Variants in ATXN7L1 observed in about 807,000 individuals in gnomAD.
ATXN7L1 encodes the protein ataxin-7-like protein 1.
In ATXN7L1, 15 loss-of-function variants were observed where a neutral mutation model predicts 70.8. That is an observed-to-expected ratio of 0.21 (90% confidence interval 0.14 to 0.33). The LOEUF (loss-of-function observed/expected upper bound fraction) is 0.33, where lower values mean the gene tolerates loss of function less well. Ranked by LOEUF, ATXN7L1 falls within the 10% of genes least tolerant of loss-of-function variation. The pLI, the probability that ATXN7L1 is intolerant of heterozygous loss-of-function variation, is 1.00. For missense variants in ATXN7L1, 975 were observed against 1,097.1 expected (o/e 0.89, Z 1.57); for synonymous variants, 440 against 445.1 (o/e 0.99, Z 0.14).
At chr7:105,619,139 A>AG (rs1794368777) in intron 9 of ATXN7L1, among the ~76,000 whole-genome samples, 2 of 23,590 alleles carry the variant, frequency 8.5e-5, no homozygotes, top group Non-Finnish European at 1.9e-4. Context: ...TGAAATCTTT[A>AG]GTTTTTTTTT....
chr7:105,628,950 TTC>T (rs79961024), intron 7 of ATXN7L1, among the ~76,000 whole-genome samples: 145,453 of 149,844 alleles, frequency 0.97, 70,713 homozygotes, highest in East Asian at 1. Flanking sequence ...TTTTTTTTTT[TTC>T]CCATGGTGAG....
At chr7:105,717,555 C>T (rs982690938) in intron 3 of ATXN7L1, among the ~76,000 whole-genome samples, 9 of 152,158 alleles carry the variant, frequency 5.9e-5, no homozygotes, top group Admixed American at 1.3e-4. Context: ...CATGCTTGTA[C>T]GCAATTTGAT....
At chr7:105,685,385 G>A (rs1806056426) in intron 3 of ATXN7L1, among the ~76,000 whole-genome samples, 1 of 152,172 alleles carries the variant, frequency 6.6e-6, no homozygotes, top group Admixed American at 6.5e-5. Flanking sequence ...ATTTCCATTG[G>A]CAGAGACCTC....
intron 3 of ATXN7L1, among the ~76,000 whole-genome samples, chr7:105,775,429 C>T (rs1054323203): frequency 1.3e-4 from 20 of 152,168 alleles, no homozygotes; most frequent in African/African-American, 4.3e-4. Flanking sequence ...GGCAAGCCTG[C>T]ACACAGGTTT....
chr7:105,801,705 T>G (rs1025649550), intron 2 of ATXN7L1, among the ~76,000 whole-genome samples: 1 of 152,180 alleles, frequency 6.6e-6, no homozygotes, highest in African/African-American at 2.4e-5. Context: ...TGGAGGCCCA[T>G]GAGCTCAGTG....
chr7:105,809,452 C>A (rs908613423), intron 2 of ATXN7L1, among the ~76,000 whole-genome samples: 3 of 152,184 alleles, frequency 2.0e-5, no homozygotes, highest in Non-Finnish European at 4.4e-5. Context: ...GGCACTCAAC[C>A]ATTCTATGTT....
chr7:105,842,677 A>G (rs1813397429), intron 2 of ATXN7L1, among the ~76,000 whole-genome samples: 1 of 152,164 alleles, frequency 6.6e-6, no homozygotes, highest in African/African-American at 2.4e-5. Flanking sequence ...ATACTGGTGT[A>G]CAAGTTTTTG....
intron 7 of ATXN7L1, 31 bp from the exon 8 acceptor site, chr7:105,624,298 A>G (rs1183667416): frequency 7.5e-7 from 1 of 1,330,020 alleles, no homozygotes; most frequent in Non-Finnish European, 9.7e-7. Context: ...CAAACAAAAT[A>G]AACCAAATGA....
chr7:105,820,214 G>T (rs189433858), intron 2 of ATXN7L1: 13 of 223,022 alleles, frequency 5.8e-5, no homozygotes, highest in African/African-American at 2.7e-4. Flanking sequence ...GTAGGTCACA[G>T]CAATAGAAGC....
At chr7:105,780,754 G>C (rs1331421152) in intron 3 of ATXN7L1, among the ~76,000 whole-genome samples, 2 of 152,122 alleles carry the variant, frequency 1.3e-5, no homozygotes, top group African/African-American at 4.8e-5. Flanking sequence ...CAATTTTATG[G>C]ACTGCTGTAA....
chr7:105,828,575 T>C (rs1381276540), intron 2 of ATXN7L1, among the ~76,000 whole-genome samples: 1 of 152,176 alleles, frequency 6.6e-6, no homozygotes, highest in Non-Finnish European at 1.5e-5. Flanking sequence ...CAAAGAGAAA[T>C]AATGACTACT....
chr7:105,678,700 T>C (rs775363379), intron 3 of ATXN7L1, among the ~76,000 whole-genome samples: 3 of 152,170 alleles, frequency 2.0e-5, no homozygotes, highest in Non-Finnish European at 4.4e-5. Flanking sequence ...GAAGGTTCAT[T>C]GCAGCTGGCT....
At chr7:105,679,687 G>C (rs1300452778) in intron 3 of ATXN7L1, among the ~76,000 whole-genome samples, 1 of 152,100 alleles carries the variant, frequency 6.6e-6, no homozygotes, top group Non-Finnish European at 1.5e-5. Flanking sequence ...CCAAAACAAT[G>C]GTTCACAAAG....
At chr7:105,691,143 A>C (rs568057193) in intron 3 of ATXN7L1, among the ~76,000 whole-genome samples, 25 of 152,176 alleles carry the variant, frequency 1.6e-4, no homozygotes, top group Non-Finnish European at 3.2e-4. Context: ...GTTTTGGGTC[A>C]CCAAATGCCA....
chr7:105,719,885 G>A (rs954446757), intron 3 of ATXN7L1, among the ~76,000 whole-genome samples: 2 of 152,240 alleles, frequency 1.3e-5, no homozygotes, highest in Admixed American at 6.5e-5. Flanking sequence ...GAAGGGGCCA[G>A]CGAATCATGC....
At chr7:105,803,160 C>T (rs1443716706) in intron 2 of ATXN7L1, among the ~76,000 whole-genome samples, 4 of 152,270 alleles carry the variant, frequency 2.6e-5, no homozygotes, top group Admixed American at 1.3e-4. Flanking sequence ...ATGCAACACA[C>T]GGGCTTCACT....
intron 7 of ATXN7L1, among the ~76,000 whole-genome samples, 166 bp from the exon 8 acceptor site, chr7:105,624,433 C>T (rs150546501): frequency 0.029 from 4,473 of 152,204 alleles, 218 homozygotes; most frequent in African/African-American, 0.1. Context: ...GGGCAGATGA[C>T]GAGGTCAGGA....
chr7:105,763,384 G>C (rs913385259), intron 3 of ATXN7L1, among the ~76,000 whole-genome samples: 1 of 152,200 alleles, frequency 6.6e-6, no homozygotes, highest in Non-Finnish European at 1.5e-5. Flanking sequence ...CCCAGGACCT[G>C]GGTTTGCAAT....
At chr7:105,662,898 G>T (rs946697149) in intron 4 of ATXN7L1, among the ~76,000 whole-genome samples, 1 of 152,144 alleles carries the variant, frequency 6.6e-6, no homozygotes, top group African/African-American at 2.4e-5. Flanking sequence ...CTATGATCCA[G>T]ATACTGTGCC....
Sources: allele counts gnomAD v4.1 joint callset (sites outside exome capture counted in the v4.1 genomes callset), GRCh38; gene constraint gnomAD v4.1.1; transcripts MANE v1.5; gene names NCBI Gene and HGNC (gene_info 2026-07-23, HGNC 2026-07-21).